PPARGC1A: variants seen among roughly 807,000 people sequenced by gnomAD.
The protein encoded by PPARGC1A is PPARG coactivator 1 alpha, also known as peroxisome proliferator-activated receptor gamma coactivator 1-alpha.
PPARGC1A carries 25 observed loss-of-function variants against 88.7 expected under a neutral mutation model. The observed-to-expected ratio is 0.28, with a 90% CI of 0.21 to 0.39. The LOEUF (loss-of-function observed/expected upper bound fraction) is 0.39, where lower values mean the gene tolerates loss of function less well. Ranked by LOEUF, PPARGC1A falls within the 10% of genes least tolerant of loss-of-function variation. The pLI, the probability that PPARGC1A is intolerant of heterozygous loss-of-function variation, is 1.00. For missense variants in PPARGC1A, 880 were observed against 968.7 expected, an observed-to-expected ratio of 0.91 and a Z score of 1.22; for synonymous variants, 363 against 355.6, an observed-to-expected ratio of 1.02 and a Z score of -0.24.
At chr4:24,445,643 T>G in the PPARGC1A span, among the ~76,000 whole-genome samples, 1 of 152,144 alleles carries the variant, frequency 6.6e-6, no homozygotes, top group African/African-American at 2.4e-5. Context: ...TTAATCTGGG[T>G]GGGGCAAGAC....
the PPARGC1A span, among the ~76,000 whole-genome samples, chr4:24,291,517 C>A: frequency 6.6e-6 from 1 of 152,180 alleles, no homozygotes; most frequent in Non-Finnish European, 1.5e-5. Flanking sequence ...GTCTGCAGTA[C>A]CCCATTTAAT....
chr4:23,845,047 G>A (rs189895810), intron 2 of PPARGC1A, among the ~76,000 whole-genome samples: 3 of 151,384 alleles, frequency 2.0e-5, no homozygotes, highest in African/African-American at 4.8e-5. Flanking sequence ...CATGGTTTAC[G>A]TATAGGTATA....
chr4:23,873,222 AATAAAG>A lies in PPARGC1A; in HGVS notation c.234+11524_234+11529del, dbSNP rs1713942051. 2.1e-5 allele frequency among the ~76,000 whole-genome samples: 3 copies of A among 140,950 alleles called. 1 individual carries two copies. The highest frequency in any genetic ancestry group is 4.6e-5 in the Non-Finnish European group (3 of 65,866). The allele number at this position is 140,950 out of a possible 152,430, so 92.5% of individuals were successfully genotyped here. A position where few individuals can be genotyped will look rare whatever the true frequency, so the allele number is the denominator to read the frequency against. ...CAAAAATAAAAAATAAAAAATAAAA[AATAAAG>A]AAAAAAATGTGACCAGCCATATCCC... On this transcript the variant is annotated intron_variant, in intron 2 of 12. Transcript: ENST00000264867.
At chr4:24,095,251 G>A in the PPARGC1A span, among the ~76,000 whole-genome samples, 105 of 151,782 alleles carry the variant, frequency 6.9e-4, no homozygotes, top group East Asian at 0.019. Context: ...CCGAGTAGCT[G>A]GGACTACAGG....
the PPARGC1A span, among the ~76,000 whole-genome samples, chr4:24,183,993 T>C: frequency 6.6e-6 from 1 of 152,248 alleles, no homozygotes; most frequent in African/African-American, 2.4e-5. Flanking sequence ...TTTTGCTACA[T>C]TCCTGAAGGA....
At chr4:23,904,551 T>A (rs1719810424), upstream of PPARGC1A, among the ~76,000 whole-genome samples, 2 of 152,214 alleles carry the variant, frequency 1.3e-5, no homozygotes, top group South Asian at 2.1e-4. Flanking sequence ...TTGGTAGAGC[T>A]AGGGTTTTCC....
At chr4:24,257,262 A>T in the PPARGC1A span, among the ~76,000 whole-genome samples, 2 of 152,182 alleles carry the variant, frequency 1.3e-5, no homozygotes, top group Admixed American at 1.3e-4. Flanking sequence ...TGAGACATAT[A>T]AGACCCTTGC....
the PPARGC1A span, among the ~76,000 whole-genome samples, chr4:23,947,372 T>TAC: frequency 4.8e-5 from 1 of 21,008 alleles, no homozygotes; most frequent in Non-Finnish European, 1.2e-4. Context: ...TATATATATA[T>TAC]ATATATATAT....
the PPARGC1A span, among the ~76,000 whole-genome samples, chr4:24,253,672 G>A: frequency 6.6e-6 from 1 of 152,340 alleles, no homozygotes; most frequent in East Asian, 1.9e-4. Flanking sequence ...ATTTAAGGAA[G>A]CACTTGTGGG....
At chr4:24,015,907 A>G in the PPARGC1A span, among the ~76,000 whole-genome samples, 2 of 152,206 alleles carry the variant, frequency 1.3e-5, no homozygotes, top group Non-Finnish European at 2.9e-5. Flanking sequence ...TTTATTGCCA[A>G]CAGTTGCTAA....
chr4:24,191,912 A>G, the PPARGC1A span, among the ~76,000 whole-genome samples: 5 of 152,206 alleles, frequency 3.3e-5, no homozygotes, highest in Admixed American at 3.3e-4. Flanking sequence ...GCTTGGGCTC[A>G]ACCCTTAGAG....
At chr4:24,287,534 TCAAG>T in the PPARGC1A span, among the ~76,000 whole-genome samples, 1 of 151,192 alleles carries the variant, frequency 6.6e-6, no homozygotes, top group Non-Finnish European at 1.5e-5. Context: ...GAAAAAAAAA[TCAAG>T]CAAAGTACCA....
At chr4:23,858,282 A>T (rs935525760) in intron 2 of PPARGC1A, among the ~76,000 whole-genome samples, 12 of 152,190 alleles carry the variant, frequency 7.9e-5, no homozygotes, top group Non-Finnish European at 1.8e-4. Context: ...CCAGGAGGGC[A>T]GGATTTTTTT....
chr4:24,042,925 C>A, the PPARGC1A span, among the ~76,000 whole-genome samples: 1 of 152,124 alleles, frequency 6.6e-6, no homozygotes, highest in African/African-American at 2.4e-5. Flanking sequence ...ACATTATTTT[C>A]TTTGTTAACA....
chr4:23,908,566 CTT>C (rs1216258809), upstream of PPARGC1A, among the ~76,000 whole-genome samples: 1 of 151,362 alleles, frequency 6.6e-6, no homozygotes, highest in African/African-American at 2.4e-5. Context: ...AAATATATCT[CTT>C]CAATTCATGT....
At chr4:24,364,692 T>C in the PPARGC1A span, among the ~76,000 whole-genome samples, 1 of 152,212 alleles carries the variant, frequency 6.6e-6, no homozygotes, top group African/African-American at 2.4e-5. Context: ...ATTATTCATT[T>C]ATATATTTCT....
rs530726531 is a variant in PPARGC1A, at chr4:23,898,271, G to A, written n.52+996C>T. ...AGTATTAGCAAATGTATTAAACCAAGACCATATCACAGGATAGCGTTACCT... is the reference window on the plus strand; with the variant it reads ...AGTATTAGCAAATGTATTAAACCAAAACCATATCACAGGATAGCGTTACCT... On this transcript the variant is annotated intron_variant and non_coding_transcript_variant, in intron 1 of 3. Coordinates refer to the PPARGC1A transcript ENST00000507342. Among the ~76,000 whole-genome samples, 10 of 152,282 alleles carry A rather than the reference G, an allele frequency of 6.6e-5. No homozygotes were observed. In the East Asian group the frequency reaches 1.9e-3, roughly 29 times the overall value.
At chr4:23,839,006 T>C (rs1377136791) in intron 2 of PPARGC1A, among the ~76,000 whole-genome samples, 1 of 152,022 alleles carries the variant, frequency 6.6e-6, no homozygotes, top group East Asian at 1.9e-4. Flanking sequence ...AAAAATAAAA[T>C]AAGAATCAAG....
the PPARGC1A span, among the ~76,000 whole-genome samples, chr4:23,936,927 C>G: frequency 6.6e-6 from 1 of 151,970 alleles, no homozygotes; most frequent in Admixed American, 6.6e-5. Flanking sequence ...CACAGACTCC[C>G]AGAATGGAGC....
Sources: gnomAD v4.1 joint callset for allele counts (sites outside exome capture counted in the v4.1 genomes callset) on GRCh38, gnomAD v4.1.1 for gene constraint, MANE v1.5 for transcripts, NCBI Gene and HGNC (gene_info 2026-07-23, HGNC 2026-07-21) for gene names.